The following PPP1R42 variants were observed in gnomAD, a reference collection of about 807,000 sequenced individuals.
The protein encoded by PPP1R42 is leucine rich repeat containing 67.
PPP1R42 carries 34 observed loss-of-function variants against 31.0 expected under a neutral mutation model. The ratio of observed to expected loss-of-function variants is 1.10; its 90% confidence interval spans 0.83 to 1.46. The LOEUF (loss-of-function observed/expected upper bound fraction) is 1.46. Among genes scored for constraint, PPP1R42 ranks in the 40% most tolerant of loss-of-function variants. PPP1R42 has a pLI of 0.00. For synonymous variants in PPP1R42, 103 were observed against 109.8 expected (o/e 0.94, Z 0.39); for missense variants, 268 against 303.0 (o/e 0.88, Z 0.86).
At chr8:66,989,157 A>G (rs1260762656) in intron 5 of PPP1R42, among the ~76,000 whole-genome samples, 1 of 152,094 alleles carries the variant, frequency 6.6e-6, no homozygotes, top group African/African-American at 2.4e-5. Context: ...ATTTTGTTTT[A>G]TATTATATCA....
chr8:66,964,842 T>C (rs1814337397), intron 7 of PPP1R42, among the ~76,000 whole-genome samples: 1 of 152,220 alleles, frequency 6.6e-6, no homozygotes, highest in East Asian at 1.9e-4. Flanking sequence ...CAGCAAGCTT[T>C]CATAAACATA....
chr8:66,985,385 CAGG>C (rs2130927966), intron 6 of PPP1R42: 3 of 740,668 alleles, frequency 4.1e-6, no homozygotes, highest in Non-Finnish European at 7.2e-6. Context: ...CGAATATTGG[CAGG>C]AGTAGACATG....
At chr8:67,017,596 G>T in intron 2 of PPP1R42, 23 bp downstream of exon 2, 3 of 1,256,512 alleles carry the variant, frequency 2.4e-6, no homozygotes, top group South Asian at 3.6e-5. Flanking sequence ...ATATAAAATA[G>T]GAAATAATTT....
chr8:66,984,605 T>C (rs978799568), intron 6 of PPP1R42: 1 of 1,184,688 alleles, frequency 8.4e-7, no homozygotes. Context: ...TACAGATACG[T>C]GTACCCCCTG....
chr8:66,982,464 A>T (rs1234323893), intron 6 of PPP1R42, among the ~76,000 whole-genome samples: 18 of 149,764 alleles, frequency 1.2e-4, no homozygotes, highest in South Asian at 2.1e-4. Flanking sequence ...TTATTTATTT[A>T]TTTTTTTTTT....
intron 7 of PPP1R42, among the ~76,000 whole-genome samples, chr8:66,971,860 C>A (rs1814546255): frequency 6.6e-6 from 1 of 152,018 alleles, no homozygotes; most frequent in South Asian, 2.1e-4. Context: ...CCATAATCCC[C>A]AATATAGAGC....
chr8:66,988,546 C>G, intron 5 of PPP1R42, 29 bp from the exon 6 acceptor site: 1 of 1,573,940 alleles, frequency 6.4e-7, no homozygotes, highest in Non-Finnish European at 8.6e-7. Flanking sequence ...AAGCAAAGCA[C>G]AAGCATTTCA....
chr8:66,980,664 A>G (rs575438288), intron 7 of PPP1R42, among the ~76,000 whole-genome samples: 2 of 152,270 alleles, frequency 1.3e-5, no homozygotes, highest in South Asian at 4.1e-4. Flanking sequence ...ATCCTAGCAT[A>G]AAGCCTCACT....
At chr8:66,975,559 T>C (rs557925022) in intron 7 of PPP1R42, among the ~76,000 whole-genome samples, 16 of 152,162 alleles carry the variant, frequency 1.1e-4, no homozygotes, top group Non-Finnish European at 1.9e-4. Flanking sequence ...GGCAGGAGAA[T>C]TGCTTGAACC....
At chr8:66,970,793 A>G (rs1814517368) in intron 7 of PPP1R42, 3 of 603,352 alleles carry the variant, frequency 5.0e-6, no homozygotes, top group Non-Finnish European at 9.2e-6. Flanking sequence ...TTCCCATCGT[A>G]ACTTTCTGAG....
At chr8:67,011,628 A>C (rs937563373) in intron 4 of PPP1R42, among the ~76,000 whole-genome samples, 7 of 152,238 alleles carry the variant, frequency 4.6e-5, no homozygotes, top group Non-Finnish European at 1.0e-4. Context: ...CTACCTGTCT[A>C]TATGGTTTTC....
chr8:66,968,724 C>G (rs191793719), intron 7 of PPP1R42, among the ~76,000 whole-genome samples: 124 of 152,182 alleles, frequency 8.1e-4, no homozygotes, highest in Middle Eastern at 6.8e-3. Context: ...TGATGAAACT[C>G]TGTAATATAT....
chr8:66,999,267 C>T (rs1815417045), intron 5 of PPP1R42, among the ~76,000 whole-genome samples: 1 of 152,086 alleles, frequency 6.6e-6, no homozygotes. Context: ...GTTGCCTAGG[C>T]TGGAATGCAG....
At chr8:66,995,692 TC>T (rs1399645364) in intron 5 of PPP1R42, among the ~76,000 whole-genome samples, 1 of 152,134 alleles carries the variant, frequency 6.6e-6, no homozygotes, top group Non-Finnish European at 1.5e-5. Context: ...TGATCAAGTT[TC>T]CTCACCAACC....
chr8:66,998,675 A>T (rs1351935249), intron 5 of PPP1R42, among the ~76,000 whole-genome samples: 1 of 152,190 alleles, frequency 6.6e-6, no homozygotes, highest in African/African-American at 2.4e-5. Context: ...GTATGTTGTT[A>T]TGTAGATTTT....
chr8:67,022,741 AC>A (rs1323381212), intron 1 of PPP1R42, among the ~76,000 whole-genome samples: 1 of 152,094 alleles, frequency 6.6e-6, no homozygotes, highest in Non-Finnish European at 1.5e-5. Context: ...AGAACCAATT[AC>A]CCCAGTACTT....
At position 67,014,703 on chromosome 8, in the gene PPP1R42, T is replaced by C. The variant is rs963718034; in HGVS notation, c.130-111A>G. ...TCTACAAATTTCTCTAAGGTTAATATAAAAGAACAGTATTTCTCTGTTCTT... is the reference window on the plus strand; with the variant it reads ...TCTACAAATTTCTCTAAGGTTAATACAAAAGAACAGTATTTCTCTGTTCTT... On this transcript the variant is annotated intron_variant, in intron 2 of 7. Coordinates refer to ENST00000685739, the MANE Select transcript of PPP1R42 (RefSeq NM_001364910.1). 7 of 665,044 alleles carry C rather than the reference T, an allele frequency of 1.1e-5. No individual in the cohort carries two copies. In the African/African-American group the frequency reaches 1.3e-4, roughly 13 times the overall value. The allele number at this position is 665,044 out of a possible 1,614,324, so 41.2% of individuals were successfully genotyped here.
intron 6 of PPP1R42, among the ~76,000 whole-genome samples, chr8:66,987,014 CT>C (rs1299078605): frequency 6.6e-6 from 1 of 152,114 alleles, no homozygotes; most frequent in Non-Finnish European, 1.5e-5. Flanking sequence ...AAAGGTCATT[CT>C]TTGATGCTCA....
chr8:67,024,298 G>A (rs1816320907), intron 1 of PPP1R42, among the ~76,000 whole-genome samples: 1 of 152,064 alleles, frequency 6.6e-6, no homozygotes, highest in African/African-American at 2.4e-5. Flanking sequence ...TACATTAATA[G>A]ACTTCTAATG....
Sources: gnomAD v4.1 joint callset for allele counts (sites outside exome capture counted in the v4.1 genomes callset) on GRCh38, gnomAD v4.1.1 for gene constraint, MANE v1.5 for transcripts, NCBI Gene and HGNC (gene_info 2026-07-23, HGNC 2026-07-21) for gene names.